Variants in TMOD3 observed in about 807,000 individuals in gnomAD.
TMOD3 encodes tropomodulin-3.
TMOD3 carries 20 observed loss-of-function variants against 39.2 expected under a neutral mutation model. The observed-to-expected ratio is 0.51, with a 90% CI of 0.36 to 0.74. TMOD3 has a LOEUF of 0.74. Among genes scored for constraint, TMOD3 ranks in the 30% least tolerant of loss-of-function variants. The pLI is 0.00. For missense variants in TMOD3, 381 were observed against 412.8 expected, an observed-to-expected ratio of 0.92 and a Z score of 0.67; for synonymous variants, 143 against 145.8, an observed-to-expected ratio of 0.98 and a Z score of 0.14.
chr15:51,837,071 G>GATATATAT (rs145171773), intron 1 of TMOD3, among the ~76,000 whole-genome samples: 26 of 150,618 alleles, frequency 1.7e-4, no homozygotes, highest in Non-Finnish European at 3.0e-4. Context: ...GGCTGGGTTT[G>GATATATAT]ATATATATAT....
chr15:51,859,951 A>C (rs1165091696), intron 1 of TMOD3: 4 of 546,050 alleles, frequency 7.3e-6, no homozygotes, highest in African/African-American at 1.9e-5. Context: ...TGAGGAACCC[A>C]CTATTTGTCT....
intron 1 of TMOD3, among the ~76,000 whole-genome samples, chr15:51,834,038 ATGT>A (rs1441201833): frequency 6.6e-6 from 1 of 152,208 alleles, no homozygotes; most frequent in Non-Finnish European, 1.5e-5. Flanking sequence ...ATGATTAAGA[ATGT>A]TGAGTGCTTT....
intron 1 of TMOD3, among the ~76,000 whole-genome samples, chr15:51,843,126 A>G (rs922128753): frequency 1.3e-5 from 2 of 152,206 alleles, no homozygotes; most frequent in African/African-American, 4.8e-5. Flanking sequence ...AGAGGAGGAA[A>G]AAGAGTAGTC....
intron 1 of TMOD3, among the ~76,000 whole-genome samples, chr15:51,843,945 G>A (rs951716023): frequency 4.6e-5 from 7 of 151,192 alleles, no homozygotes; most frequent in East Asian, 1.9e-4. Context: ...TATGATGGCC[G>A]ATGGTTCTTA....
At chr15:51,886,957 A>G (rs184207768) in intron 3 of TMOD3, among the ~76,000 whole-genome samples, 135 of 152,164 alleles carry the variant, frequency 8.9e-4, no homozygotes, top group African/African-American at 3.2e-3. Flanking sequence ...GGTAGCTTAC[A>G]TCTGTAATCC....
At chr15:51,875,207 A>G (rs1387257498) in intron 3 of TMOD3, 1 of 152,110 alleles carries the variant, frequency 6.6e-6, no homozygotes, top group Admixed American at 6.6e-5. Flanking sequence ...ATGATTATAA[A>G]CCTGCCTACA....
intron 1 of TMOD3, among the ~76,000 whole-genome samples, chr15:51,839,181 A>ATTTTTTT (rs2056301539): frequency 3.0e-5 from 2 of 65,720 alleles, no homozygotes; most frequent in African/African-American, 1.1e-4. Context: ...TTTTTTTTCC[A>ATTTTTTT]TTTTGTTTGA....
At position 51,877,944 on chromosome 15, in the gene TMOD3, G is replaced by A. The variant is rs148702622; in HGVS notation, c.283+8571G>A. Among the ~76,000 whole-genome samples, 11 of 151,930 alleles carry A rather than the reference G, an allele frequency of 7.2e-5. No individual in the cohort carries two copies. The East Asian group carries it at 1.7e-3, about 24-fold the overall frequency. On this transcript the variant is annotated intron_variant, in intron 3 of 9. Transcript: ENST00000308580. ...AGTTCCTCACATACATGTACCAGTC[G>A]GTGCTATGCTGAACACTCAGTGTGA... is the stretch of plus-strand genomic sequence containing the variant.
intron 1 of TMOD3, among the ~76,000 whole-genome samples, chr15:51,843,089 G>A (rs2056320268): frequency 6.6e-6 from 1 of 152,190 alleles, no homozygotes; most frequent in Non-Finnish European, 1.5e-5. Flanking sequence ...TAGATGGTAT[G>A]CCATACCTGG....
In TMOD3 at chr15:51,914,998, G is replaced by C. The variant is rs2056727306; in HGVS notation, c.*6188G>C. 1 of 152,042 alleles carries C rather than the reference G, an allele frequency of 6.6e-6. No homozygotes were observed. The highest frequency in any genetic ancestry group is 1.5e-5 in the Non-Finnish European group (1 of 68,014). The allele number at this position is 152,042 out of a possible 1,614,324, so 9.4% of individuals were successfully genotyped here. A position where few individuals can be genotyped will look rare whatever the true frequency, so the allele number is the denominator to read the frequency against. On this transcript the variant is annotated 3_prime_UTR_variant, in exon 10 of 10. Transcript: ENST00000308580. ...ACCCGCCTCGGCCTCCCAAAGTGCT[G>C]GGATTACAGGTGTTTGCCACCGCGC...
Position 51,915,342 on chromosome 15 carries a change from A to G in TMOD3, c.*6532A>G, listed in dbSNP as rs565205777. On this transcript the variant is annotated 3_prime_UTR_variant, in exon 10 of 10. Coordinates refer to ENST00000308580, the MANE Select transcript of TMOD3 (RefSeq NM_014547.5). ...TGTTTTTTCAAATGTATATACACGT[A>G]TAACATAAAAATTTTTGTAATTTCA... 8 of 152,194 alleles carry G rather than the reference A, an allele frequency of 5.3e-5. No individual in the cohort carries two copies. In the South Asian group the frequency reaches 1.7e-3, roughly 31 times the overall value. The allele number at this position is 152,194 out of a possible 1,614,324, so 9.4% of individuals were successfully genotyped here.
intron 3 of TMOD3, among the ~76,000 whole-genome samples, chr15:51,878,396 G>C (rs2056516318): frequency 6.6e-6 from 1 of 151,946 alleles, no homozygotes; most frequent in Non-Finnish European, 1.5e-5. Context: ...GTGTGTGTGT[G>C]TGTGTGTGTG....
intron 6 of TMOD3, among the ~76,000 whole-genome samples, chr15:51,895,110 T>C (rs1000761211): frequency 6.6e-6 from 1 of 152,174 alleles, no homozygotes; most frequent in African/African-American, 2.4e-5. Flanking sequence ...TCTGGAAATC[T>C]TGAGCCTAGG....
At chr15:51,887,010 G>A (rs2056568082) in intron 3 of TMOD3, among the ~76,000 whole-genome samples, 1 of 152,028 alleles carries the variant, frequency 6.6e-6, no homozygotes, top group African/African-American at 2.4e-5. Context: ...CCTTAGGTCA[G>A]TAGTTTGAGA....
In TMOD3 at chr15:51,900,136, T is replaced by C. The variant is rs571946304; in HGVS notation, c.736-19T>C. 3.5e-5 allele frequency: 56 copies of C among 1,612,266 alleles called. 1 individual carries two copies. In the South Asian group the frequency reaches 5.8e-4, roughly 17 times the overall value. On this transcript the variant is annotated intron_variant, in intron 7 of 9. Coordinates refer to ENST00000308580, the MANE Select transcript of TMOD3 (RefSeq NM_014547.5). ...ACTGTATCAAATTTTAATCTCTTAA[T>C]ATTTTCTCTAATTTCTAGGCTTTTG...
chr15:51,833,423 C>G (rs542960155), intron 1 of TMOD3: 23 of 152,288 alleles, frequency 1.5e-4, no homozygotes, highest in African/African-American at 5.5e-4. Flanking sequence ...CACATAATAT[C>G]CAGTTCAAGG....
intron 2 of TMOD3, among the ~76,000 whole-genome samples, chr15:51,867,117 G>T (rs2056451104): frequency 6.6e-6 from 1 of 152,112 alleles, no homozygotes; most frequent in African/African-American, 2.4e-5. Context: ...GAATGGAGAG[G>T]GTGTGTGAGA....
At chr15:51,902,833 A>G (rs986186303) in intron 9 of TMOD3, among the ~76,000 whole-genome samples, 1 of 151,990 alleles carries the variant, frequency 6.6e-6, no homozygotes, top group African/African-American at 2.4e-5. Flanking sequence ...TTGTATTTTT[A>G]GTAGAGACAG....
At chr15:51,876,643 A>T (rs1277491181) in intron 3 of TMOD3, among the ~76,000 whole-genome samples, 1 of 151,686 alleles carries the variant, frequency 6.6e-6, no homozygotes, top group African/African-American at 2.4e-5. Context: ...TTGTATTTTT[A>T]GTAGAGACGG....
Sources: allele counts gnomAD v4.1 joint callset (sites outside exome capture counted in the v4.1 genomes callset), GRCh38; gene constraint gnomAD v4.1.1; transcripts MANE v1.5; gene names NCBI Gene and HGNC (gene_info 2026-07-23, HGNC 2026-07-21).